SPATA16: variants seen among roughly 807,000 people sequenced by gnomAD.
SPATA16 encodes spermatogenesis-associated protein 16.
Under a neutral mutation model 63.3 loss-of-function variants are expected in SPATA16, and 36 were observed. The ratio of observed to expected loss-of-function variants is 0.57; its 90% CI spans 0.44 to 0.75. The LOEUF (loss-of-function observed/expected upper bound fraction) is 0.75, where lower values mean the gene tolerates loss of function less well. Among genes scored for constraint, SPATA16 ranks in the 30% least tolerant of loss-of-function variants. SPATA16 has a pLI of 0.00. For missense variants in SPATA16, 646 were observed against 679.3 expected (o/e 0.95, Z 0.54); for synonymous variants, 203 against 216.7 (o/e 0.94, Z 0.56).
chr3:172,940,890 G>C (rs182753592), intron 6 of SPATA16, among the ~76,000 whole-genome samples: 2 of 152,252 alleles, frequency 1.3e-5, no homozygotes, highest in Non-Finnish European at 2.9e-5. Flanking sequence ...GGCTGAGGCA[G>C]GAGAATTGCT....
At chr3:173,118,942 C>CAAGGA (rs1194832272) in intron 1 of SPATA16, among the ~76,000 whole-genome samples, 4 of 152,220 alleles carry the variant, frequency 2.6e-5, no homozygotes, top group Non-Finnish European at 5.9e-5. Flanking sequence ...CTTTTATCTT[C>CAAGGA]AAGGTCAGTG....
At position 172,912,423 on chromosome 3, in the gene SPATA16, A is replaced by G. The variant is rs1181089258; in HGVS notation, c.1587+1238T>C. ...TTCTGGCATGGTAGATATGTATTCAACACATATTTGCTGACAGTCAGTTTC... is the reference window on the plus strand; with the variant it reads ...TTCTGGCATGGTAGATATGTATTCAGCACATATTTGCTGACAGTCAGTTTC... On this transcript the variant is annotated intron_variant, in intron 10 of 10. Transcript: ENST00000351008. Among the ~76,000 whole-genome samples the G allele has an allele frequency of 2.6e-5, 4 of 152,172 alleles. No homozygotes were observed. In the East Asian group the frequency reaches 7.7e-4, roughly 29 times the overall value.
chr3:172,890,687 A>G (rs1398833837), intron 10 of SPATA16, among the ~76,000 whole-genome samples: 2 of 151,680 alleles, frequency 1.3e-5, no homozygotes, highest in Non-Finnish European at 2.9e-5. Flanking sequence ...AATAAATGGT[A>G]GCACTCATCC....
chr3:172,913,411 A>G (rs1265483081), intron 10 of SPATA16, among the ~76,000 whole-genome samples: 3 of 152,138 alleles, frequency 2.0e-5, no homozygotes, highest in Non-Finnish European at 2.9e-5. Flanking sequence ...AGAATATGAA[A>G]ATGAGCATGA....
At chr3:173,014,161 A>G (rs1007016986) in intron 4 of SPATA16, among the ~76,000 whole-genome samples, 1 of 152,226 alleles carries the variant, frequency 6.6e-6, no homozygotes, top group African/African-American at 2.4e-5. Flanking sequence ...TATCCACAAT[A>G]GTAAAGACAT....
At chr3:173,049,192 T>C in intron 2 of SPATA16, 98 bp from the exon 3 acceptor site, 1 of 1,303,112 alleles carries the variant, frequency 7.7e-7, no homozygotes, top group Non-Finnish European at 1.0e-6. Context: ...ATATATGTTT[T>C]GCTTATGCTT....
chr3:172,932,459 A>G (rs1732893514), intron 6 of SPATA16, among the ~76,000 whole-genome samples: 1 of 152,170 alleles, frequency 6.6e-6, no homozygotes, highest in Admixed American at 6.5e-5. Context: ...TGTAAGTTTT[A>G]TATGACTCCT....
intron 6 of SPATA16, among the ~76,000 whole-genome samples, chr3:172,930,602 A>G (rs1239356690): frequency 8.3e-6 from 1 of 120,524 alleles, no homozygotes; most frequent in Non-Finnish European, 1.6e-5. Flanking sequence ...TCTGTCGCCC[A>G]GGCTGGAGTG....
At chr3:173,026,165 G>A (rs977337028) in intron 3 of SPATA16, among the ~76,000 whole-genome samples, 1 of 151,678 alleles carries the variant, frequency 6.6e-6, no homozygotes, top group Non-Finnish European at 1.5e-5. Context: ...TGTGGCTTTA[G>A]TTTGCATTTC....
chr3:173,036,415 A>C (rs1383823161), intron 3 of SPATA16, among the ~76,000 whole-genome samples: 3 of 152,022 alleles, frequency 2.0e-5, no homozygotes, highest in African/African-American at 7.2e-5. Context: ...CAATTTAAAA[A>C]TTTGGTTTTG....
Position 172,976,948 on chromosome 3 carries a change from G to C in SPATA16, c.933+20C>G. On this transcript the variant is annotated intron_variant, in intron 5 of 10. Coordinates refer to ENST00000351008, the MANE Select transcript of SPATA16 (RefSeq NM_031955.6). ...AAATGAGATGGGTTTCTCCTCCCTA[G>C]TTGGGACATCAATTTTTACCTGCCA... 1.2e-6 allele frequency: 2 copies of C among 1,603,648 alleles called. No homozygotes were observed. Among genetic ancestry groups the C allele is most frequent in the Non-Finnish European group, 1.7e-6 (2 of 1,171,810 alleles).
intron 6 of SPATA16, among the ~76,000 whole-genome samples, chr3:172,928,691 A>G (rs139636137): frequency 6.6e-6 from 1 of 152,334 alleles, no homozygotes; most frequent in East Asian, 1.9e-4. Context: ...TGGCTAATTT[A>G]TTATAAAACA....
At chr3:173,013,961 C>G (rs1001983631) in intron 4 of SPATA16, among the ~76,000 whole-genome samples, 3 of 152,182 alleles carry the variant, frequency 2.0e-5, no homozygotes, top group Non-Finnish European at 4.4e-5. Context: ...GCCTCTGGGA[C>G]AAGTCAGCCT....
At chr3:173,140,041 T>C (rs910149861) in intron 1 of SPATA16, among the ~76,000 whole-genome samples, 5 of 152,148 alleles carry the variant, frequency 3.3e-5, no homozygotes, top group Admixed American at 6.6e-5. Flanking sequence ...AAGGATTAAC[T>C]GTGGGTTTAT....
chr3:172,919,706 C>G (rs1178128464), intron 8 of SPATA16, among the ~76,000 whole-genome samples: 1 of 148,268 alleles, frequency 6.7e-6, no homozygotes, highest in African/African-American at 2.5e-5. Context: ...GAGGCAGAGT[C>G]TTGCTCTGTT....
intron 10 of SPATA16, among the ~76,000 whole-genome samples, chr3:172,896,754 T>C (rs1483921949): frequency 6.6e-6 from 1 of 152,176 alleles, no homozygotes; most frequent in Non-Finnish European, 1.5e-5. Context: ...CTGGTAAATG[T>C]CTGTTCAAAT....
intron 2 of SPATA16, among the ~76,000 whole-genome samples, chr3:173,069,112 G>GAAAATAAAAAAAAAA (rs1736603871): frequency 9.2e-6 from 1 of 109,180 alleles, no homozygotes; most frequent in African/African-American, 3.7e-5. Flanking sequence ...TCCGTCTCAA[G>GAAAATAAAAAAAAAA]AAAAAAAAAA....
intron 4 of SPATA16, among the ~76,000 whole-genome samples, chr3:172,996,308 G>A (rs1349344482): frequency 6.6e-6 from 1 of 152,074 alleles, no homozygotes; most frequent in Non-Finnish European, 1.5e-5. Context: ...GCCCAAGGTG[G>A]TATCTGCTGG....
intron 6 of SPATA16, among the ~76,000 whole-genome samples, chr3:172,944,396 G>A (rs1028400835): frequency 3.9e-5 from 6 of 152,174 alleles, no homozygotes; most frequent in African/African-American, 1.2e-4. Context: ...TGGAACACTC[G>A]TGCACTTCTG....
Sources: gnomAD v4.1 joint callset for allele counts (sites outside exome capture counted in the v4.1 genomes callset) on GRCh38, gnomAD v4.1.1 for gene constraint, MANE v1.5 for transcripts, NCBI Gene and HGNC (gene_info 2026-07-23, HGNC 2026-07-21) for gene names.